The following FAM83D variants were observed in gnomAD, a reference collection of about 807,000 sequenced individuals.
FAM83D encodes the protein scaffolding CK1 anchoring protein D.
FAM83D carries 26 observed loss-of-function variants against 25.4 expected under a neutral mutation model. The ratio of observed to expected loss-of-function variants is 1.02; its 90% CI spans 0.75 to 1.42. The LOEUF (loss-of-function observed/expected upper bound fraction) is 1.42. Among genes scored for constraint, FAM83D ranks in the 40% most tolerant of loss-of-function variants. The pLI is 0.00. For synonymous variants in FAM83D, 310 were observed against 318.5 expected, an observed-to-expected ratio of 0.97 and a Z score of 0.28; for missense variants, 740 against 758.1, an observed-to-expected ratio of 0.98 and a Z score of 0.28.
Position 38,947,889 on chromosome 20 carries a change from G to A in FAM83D, c.665G>A (p.Arg222Gln), listed in dbSNP as rs749062292. 19 of 1,613,824 alleles carry A rather than the reference G, an allele frequency of 1.2e-5. No homozygotes were observed. In the African/African-American group the frequency reaches 1.2e-4, roughly 10 times the overall value. The change falls in exon 3 of 4, where the codon CGG (arginine) becomes CAG (glutamine). Residue 222 changes from arginine to glutamine, a missense_variant. By Grantham distance (43) the Arg-to-Gln change is conservative (BLOSUM62 1). This residue lies in a region of FAM83D where 32 missense variants were observed against 56.2 expected (regional missense o/e 0.57). Transcript: ENST00000619850. The stretch of plus-strand genomic sequence containing the variant: ...CCCTGCCAACAGTTAATGACAGTTC[G>A]GACTATCACAGGAAATATCTACTAT... ...HPEQEKLMTVRTITGNIYYAR... is the reference protein window; with the variant it reads ...HPEQEKLMTVQTITGNIYYAR...
In FAM83D at chr20:38,952,171, C is replaced by G; in HGVS notation, c.1409C>G (p.Ser470Trp). 1.2e-6 allele frequency: 2 copies of G among 1,614,184 alleles called. No homozygotes were observed. Among genetic ancestry groups the G allele is most frequent in the African/African-American group, 1.3e-5 (1 of 75,058 alleles). ...TCACCAGTCTCAAAAATGTCTGTAT[C>G]GAGATCTTCCAGTTTGAAGTCTTCC... ...EGSPVSKMSVSRSSSLKSSSS... is the reference protein window; with the variant it reads ...EGSPVSKMSVWRSSSLKSSSS... Residue 470 changes from serine (S) to tryptophan (W), a missense_variant, in exon 4 of 4, where the codon TCG becomes TGG. Coordinates refer to ENST00000619850, the MANE Select transcript of FAM83D (RefSeq NM_030919.3).
chr20:38,952,349 A>G lies in FAM83D; in HGVS notation c.1587A>G (p.Lys529=). 1 of 1,614,214 alleles carries G rather than the reference A, an allele frequency of 6.2e-7. No homozygotes were observed. The highest frequency in any genetic ancestry group is 2.2e-5 in the East Asian group (1 of 44,882). The part of the protein sequence containing the change: ...YLSDSLRNLN[K]ERQFHFAGIR... Reference sequence around the variant, plus strand: ...GTGACTCACTTAGAAACTTGAACAAAGAGCGGCAATTCCACTTCGCTGGTA... The same window carrying G: ...GTGACTCACTTAGAAACTTGAACAAGGAGCGGCAATTCCACTTCGCTGGTA... The change falls in exon 4 of 4, where the codon AAA becomes AAG. Residue 529 remains lysine (K), a synonymous_variant. Transcript: ENST00000619850.
chr20:38,943,497 TG>T (rs2085712117), intron 2 of FAM83D, among the ~76,000 whole-genome samples: 2 of 152,220 alleles, frequency 1.3e-5, no homozygotes, highest in South Asian at 4.1e-4. Context: ...CCAACCCCAG[TG>T]TCTGTAATCA....
chr20:38,951,934 C>T lies in FAM83D; in HGVS notation c.1172C>T (p.Thr391Ile), dbSNP rs2085756895. ...LQSRKAIDAATQTEPGEEMPG... is the reference protein window; with the variant it reads ...LQSRKAIDAAIQTEPGEEMPG... ...AGCAGAAAGGCCATTGACGCTGCCA[C>T]TCAAACAGAGCCAGGAGAGGAGATG... The change falls in exon 4 of 4, where the codon ACT becomes ATT. Residue 391 changes from threonine (T) to isoleucine (I), a missense_variant. Physicochemically the swap from Thr to Ile is moderately conservative, Grantham distance 89. This residue lies in a region of FAM83D where 375 missense variants were observed against 403.2 expected (regional missense o/e 0.93). Coordinates refer to ENST00000619850, the MANE Select transcript of FAM83D (RefSeq NM_030919.3). 12 of 1,614,164 alleles carry T rather than the reference C, an allele frequency of 7.4e-6. No homozygotes were observed. In the East Asian group the frequency reaches 2.7e-4, roughly 36 times the overall value.
chr20:38,941,761 G>T (rs3752291), intron 1 of FAM83D, among the ~76,000 whole-genome samples, 198 bp from the exon 2 acceptor site: 25,468 of 152,052 alleles, frequency 0.17, 2,401 homozygotes, highest in East Asian at 0.34. Context: ...AGATTTCTAG[G>T]ACACGGGGCC....
At chr20:38,944,987 T>G (rs577007227) in intron 2 of FAM83D, among the ~76,000 whole-genome samples, 8 of 151,930 alleles carry the variant, frequency 5.3e-5, no homozygotes, top group Non-Finnish European at 1.2e-4. Flanking sequence ...GTTTTTGTAG[T>G]TTTACCTCCT....
chr20:38,926,663 G>A lies in FAM83D; in HGVS notation c.221G>A (p.Arg74Lys). Residue 74 changes from arginine (R) to lysine (K), a missense_variant, in exon 1 of 4, where the codon AGG (arginine) becomes AAG (lysine). Arg to Lys is a conservative substitution (Grantham distance 26). Around this residue, in one of 3 missense-constraint regions of FAM83D, gnomAD observed 333 missense variants for 298.6 expected, o/e 1.12. Transcript: ENST00000619850. ...CACGCCATTCTGCGCGCGGCGGAGA[G>A]GCCGGGAGAGGAGGGCGCGGCGGCG... The part of the protein sequence containing the change: ...EVHAILRAAE[R>K]PGEEGAAAAA... 6.5e-7 allele frequency: 1 copy of A among 1,532,144 alleles called. No individual in the cohort carries two copies. The highest frequency in any genetic ancestry group is 2.0e-5 in the Admixed American group (1 of 50,238). The allele number at this position is 1,532,144 out of a possible 1,614,324, so 94.9% of individuals were successfully genotyped here. A position where few individuals can be genotyped will look rare whatever the true frequency, so the allele number is the denominator to read the frequency against.
chr20:38,937,104 G>T (rs2085682152), intron 1 of FAM83D, among the ~76,000 whole-genome samples: 1 of 152,226 alleles, frequency 6.6e-6, no homozygotes, highest in Admixed American at 6.5e-5. Context: ...CGGCCATTAT[G>T]CCCCTGACCA....
chr20:38,949,260 C>A (rs1387333870), intron 3 of FAM83D, among the ~76,000 whole-genome samples: 2 of 151,310 alleles, frequency 1.3e-5, no homozygotes, highest in African/African-American at 4.9e-5. Context: ...CTCTCAGATT[C>A]AAGCGATTCC....
At chr20:38,938,874 G>A (rs912670451) in intron 1 of FAM83D, among the ~76,000 whole-genome samples, 10 of 152,158 alleles carry the variant, frequency 6.6e-5, no homozygotes, top group African/African-American at 2.4e-4. Context: ...TGTGTTGCAG[G>A]TCCTGTGTTG....
In FAM83D at chr20:38,949,566, C is replaced by T. The variant is rs1468207857; in HGVS notation, c.776+1566C>T. On this transcript the variant is annotated intron_variant, in intron 3 of 3. Transcript: ENST00000619850. ...TCTTGGTTACAGGAGACAGAGTTGA[C>T]TGTGTTCTATGATCTCTGTTTGAAA... Among the ~76,000 whole-genome samples, 4 of 152,176 alleles carry T rather than the reference C, an allele frequency of 2.6e-5. No homozygotes were observed. In the East Asian group the frequency reaches 5.8e-4, roughly 22 times the overall value.
intron 1 of FAM83D, among the ~76,000 whole-genome samples, chr20:38,934,369 T>A (rs1485814118): frequency 6.6e-6 from 1 of 152,080 alleles, no homozygotes; most frequent in Non-Finnish European, 1.5e-5. Context: ...GGTACATGCC[T>A]GTAATCCTGG....
intron 1 of FAM83D, among the ~76,000 whole-genome samples, chr20:38,940,134 G>A (rs760843): frequency 0.022 from 3,425 of 152,266 alleles, 77 homozygotes; most frequent in Admixed American, 0.057. Flanking sequence ...CAGAAAGAAC[G>A]CTTCTCATTT....
At chr20:38,928,244 A>T (rs935513167) in intron 1 of FAM83D, among the ~76,000 whole-genome samples, 1 of 152,180 alleles carries the variant, frequency 6.6e-6, no homozygotes, top group Non-Finnish European at 1.5e-5. Flanking sequence ...AGTGTGTCTG[A>T]GTGTGGGTGA....
Position 38,952,697 on chromosome 20 carries a change from T to C in FAM83D, c.*177T>C. 1.4e-6 allele frequency: 1 copy of C among 721,056 alleles called. No individual in the cohort carries two copies. Among genetic ancestry groups the C allele is most frequent in the Non-Finnish European group, 2.2e-6 (1 of 445,296 alleles). 44.7% of individuals were successfully genotyped at this position (721,056 alleles called of 1,614,324 possible). A position where few individuals can be genotyped will look rare whatever the true frequency, so the allele number is the denominator to read the frequency against. ...TTTACATGCTTTGTTTTGTCATGTA[T>C]ATACCAGGTATTGGTTTTATGGTTT... is the stretch of plus-strand genomic sequence containing the variant. On this transcript the variant is annotated 3_prime_UTR_variant, in exon 4 of 4. Coordinates refer to ENST00000619850, the MANE Select transcript of FAM83D (RefSeq NM_030919.3).
intron 3 of FAM83D, among the ~76,000 whole-genome samples, chr20:38,948,436 A>C (rs2085738778): frequency 6.6e-6 from 1 of 152,232 alleles, no homozygotes; most frequent in African/African-American, 2.4e-5. Flanking sequence ...TGTCAGCTTT[A>C]GACTCAAATC....
In FAM83D at chr20:38,926,706, C is replaced by G. The variant is rs1601328139; in HGVS notation, c.264C>G (p.Asp88Glu). 1 of 1,519,826 alleles carries G rather than the reference C, an allele frequency of 6.6e-7. No individual in the cohort carries two copies. Among genetic ancestry groups the G allele is most frequent in the East Asian group, 2.5e-5 (1 of 39,656 alleles). The allele number at this position is 1,519,826 out of a possible 1,614,324, so 94.1% of individuals were successfully genotyped here. ...EGAAAAAAAE[D>E]SFGSSHDCSS... ...CGGCGGCGGCGGCGGCGGCCGAGGA[C>G]TCGTTCGGCTCCTCGCACGACTGCT... Residue 88 changes from aspartate to glutamate, a missense_variant, in exon 1 of 4, where the codon GAC (aspartate) becomes GAG (glutamate). By Grantham distance (45) the Asp-to-Glu change is conservative. Coordinates refer to ENST00000619850, the MANE Select transcript of FAM83D (RefSeq NM_030919.3).
Position 38,932,411 on chromosome 20 carries a change from C to T in FAM83D, c.483+5486C>T, listed in dbSNP as rs1480447912. Reference sequence around the variant, plus strand: ...TAAAAAATAAATAAAAACACAATTACGTATAGCATGGCTTGAATACAAGCT... The same window carrying T: ...TAAAAAATAAATAAAAACACAATTATGTATAGCATGGCTTGAATACAAGCT... On this transcript the variant is annotated intron_variant, in intron 1 of 3. Coordinates refer to ENST00000619850, the MANE Select transcript of FAM83D (RefSeq NM_030919.3). 2.6e-5 allele frequency among the ~76,000 whole-genome samples: 4 copies of T among 152,294 alleles called. No individual in the cohort carries two copies. In the East Asian group the frequency reaches 5.8e-4, roughly 22 times the overall value.
intron 3 of FAM83D, 117 bp from the exon 4 acceptor site, chr20:38,951,422 C>A: frequency 1.7e-6 from 2 of 1,157,598 alleles, no homozygotes; most frequent in Middle Eastern, 2.9e-4. Context: ...TATGATATCA[C>A]CAAATTTGTG....
Sources: gnomAD v4.1 joint callset for allele counts (sites outside exome capture counted in the v4.1 genomes callset) on GRCh38, gnomAD v4.1.1 for gene constraint, gnomAD v4.1.1 regional missense constraint, MANE v1.5 for transcripts, NCBI Gene and HGNC (gene_info 2026-07-23, HGNC 2026-07-21) for gene names.